Variants in ARB2A observed in about 807,000 individuals in gnomAD.
ARB2A encodes ARB2 cotranscriptional regulator A.
the ARB2A span, among the ~76,000 whole-genome samples, chr5:94,057,355 A>G: frequency 6.6e-6 from 1 of 152,310 alleles, no homozygotes; most frequent in Non-Finnish European, 1.5e-5. Flanking sequence ...AGAGACAGAA[A>G]GTAGAACGGT....
chr5:93,837,444 T>C, the ARB2A span, among the ~76,000 whole-genome samples: 1 of 152,180 alleles, frequency 6.6e-6, no homozygotes, highest in Non-Finnish European at 1.5e-5. Flanking sequence ...ACATGTGTCT[T>C]TATAGTAGAA....
At chr5:94,007,077 CAA>C in the ARB2A span, among the ~76,000 whole-genome samples, 3 of 152,074 alleles carry the variant, frequency 2.0e-5, no homozygotes, top group Non-Finnish European at 4.4e-5. Context: ...CCCCATAAGA[CAA>C]AGAGTCAGAA....
the ARB2A span, among the ~76,000 whole-genome samples, chr5:93,962,467 G>C: frequency 1.3e-5 from 2 of 152,012 alleles, no homozygotes; most frequent in Admixed American, 6.6e-5. Context: ...TCCACAAAGA[G>C]CTGTCATTTA....
At chr5:93,886,396 T>C in the ARB2A span, among the ~76,000 whole-genome samples, 1 of 151,710 alleles carries the variant, frequency 6.6e-6, no homozygotes, top group African/African-American at 2.4e-5. Flanking sequence ...TTATCAATCA[T>C]ATTTCTCAAG....
At chr5:94,023,579 T>A in the ARB2A span, among the ~76,000 whole-genome samples, 1 of 152,234 alleles carries the variant, frequency 6.6e-6, no homozygotes, top group African/African-American at 2.4e-5. Flanking sequence ...CCTGCAAATC[T>A]GAGTGGCATC....
the ARB2A span, chr5:94,056,020 ACT>A: frequency 2.9e-6 from 2 of 678,372 alleles, no homozygotes; most frequent in Non-Finnish European, 3.6e-6. Context: ...TATCATATTC[ACT>A]GTCTTTCAGA....
chr5:93,658,082 G>A, the ARB2A span, among the ~76,000 whole-genome samples: 1 of 152,152 alleles, frequency 6.6e-6, no homozygotes. Context: ...TCAGTTTTAA[G>A]TTAGACTTCT....
chr5:93,841,068 C>G, the ARB2A span, among the ~76,000 whole-genome samples: 13,225 of 152,114 alleles, frequency 0.087, 781 homozygotes, highest in Middle Eastern at 0.17. Flanking sequence ...TAAACATTGA[C>G]AATCCTACTC....
the ARB2A span, among the ~76,000 whole-genome samples, chr5:93,630,561 C>T: frequency 1.4e-4 from 21 of 152,260 alleles, no homozygotes; most frequent in African/African-American, 4.8e-4. Context: ...TCCTCTAGCT[C>T]CTTTTCTGCC....
At chr5:93,621,359 C>T in the ARB2A span, among the ~76,000 whole-genome samples, 1 of 152,232 alleles carries the variant, frequency 6.6e-6, no homozygotes, top group East Asian at 1.9e-4. Context: ...GCTGCGGGGT[C>T]ACTTGCCCCC....
the ARB2A span, among the ~76,000 whole-genome samples, chr5:93,670,646 A>T: frequency 8.5e-5 from 13 of 152,362 alleles, no homozygotes; most frequent in East Asian, 2.5e-3. Context: ...TTCACATAGG[A>T]ACAATTAAAA....
chr5:93,922,328 T>C, the ARB2A span, among the ~76,000 whole-genome samples: 6 of 151,688 alleles, frequency 4.0e-5, no homozygotes, highest in Admixed American at 2.0e-4. Context: ...GATAAGGATC[T>C]TGGGATATTC....
the ARB2A span, among the ~76,000 whole-genome samples, chr5:94,060,098 G>A: frequency 3.3e-5 from 5 of 152,120 alleles, no homozygotes; most frequent in Admixed American, 6.5e-5. Context: ...AGTGGCTCAC[G>A]CCTGTAATCC....
At chr5:94,002,430 G>A in the ARB2A span, among the ~76,000 whole-genome samples, 1 of 151,824 alleles carries the variant, frequency 6.6e-6, no homozygotes, top group African/African-American at 2.4e-5. Context: ...CTCTCCTAAA[G>A]TCATCGATTA....
chr5:93,795,801 C>T, the ARB2A span, among the ~76,000 whole-genome samples: 1 of 146,014 alleles, frequency 6.8e-6, no homozygotes, highest in Non-Finnish European at 1.5e-5. Context: ...GAGAAAAACA[C>T]AGAGCTAAAA....
chr5:93,995,927 T>C, the ARB2A span, among the ~76,000 whole-genome samples: 1 of 152,174 alleles, frequency 6.6e-6, no homozygotes, highest in Non-Finnish European at 1.5e-5. Context: ...GTATTGGGTA[T>C]GTAGTTATCT....
the ARB2A span, among the ~76,000 whole-genome samples, chr5:93,705,555 A>G: frequency 1.3e-5 from 2 of 151,536 alleles, no homozygotes; most frequent in African/African-American, 4.9e-5. Flanking sequence ...TTATGCTTCT[A>G]AATTGTAGGG....
the ARB2A span, among the ~76,000 whole-genome samples, chr5:93,934,041 G>A: frequency 6.6e-6 from 1 of 151,806 alleles, no homozygotes; most frequent in African/African-American, 2.4e-5. Flanking sequence ...GGGCAAACTG[G>A]AGAGAAAATA....
At chr5:93,971,431 G>C in the ARB2A span, among the ~76,000 whole-genome samples, 2 of 151,958 alleles carry the variant, frequency 1.3e-5, no homozygotes, top group African/African-American at 4.8e-5. Flanking sequence ...GCCAGGCATG[G>C]TGGTGCAAGC....
Sources: allele counts gnomAD v4.1 joint callset (sites outside exome capture counted in the v4.1 genomes callset), GRCh38; gene constraint gnomAD v4.1.1; transcripts MANE v1.5; gene names NCBI Gene and HGNC (gene_info 2026-07-23, HGNC 2026-07-21).